ARMH4: variants seen among roughly 807,000 people sequenced by gnomAD.
ARMH4 encodes armadillo-like helical domain-containing protein 4.
ARMH4 carries 49 observed loss-of-function variants against 61.9 expected under a neutral mutation model. The ratio of observed to expected loss-of-function variants is 0.79; its 90% CI spans 0.63 to 1.00. The LOEUF (loss-of-function observed/expected upper bound fraction) is 1.00. Among genes scored for constraint, ARMH4 ranks in the 50% least tolerant of loss-of-function variants. The probability of loss-of-function intolerance (pLI) is 0.00; values close to 1 mark genes in which losing one functional copy is unlikely to be tolerated. For synonymous variants in ARMH4, 368 were observed against 341.5 expected (o/e 1.08, Z -0.85); for missense variants, 934 against 930.0 (o/e 1.00, Z -0.06).
intron 5 of ARMH4, among the ~76,000 whole-genome samples, chr14:58,048,472 G>A (rs906930353): frequency 6.6e-6 from 1 of 152,176 alleles, no homozygotes; most frequent in African/African-American, 2.4e-5. Flanking sequence ...GGATTTGTGT[G>A]GTGATGATAA....
At chr14:58,106,506 T>G (rs1886169912) in intron 4 of ARMH4, among the ~76,000 whole-genome samples, 2 of 152,186 alleles carry the variant, frequency 1.3e-5, no homozygotes, top group Non-Finnish European at 2.9e-5. Flanking sequence ...AAGAGATGCT[T>G]AGTGATATTA....
intron 1 of ARMH4, among the ~76,000 whole-genome samples, chr14:58,145,795 G>T (rs1174653358): frequency 6.6e-6 from 1 of 152,148 alleles, no homozygotes; most frequent in Admixed American, 6.5e-5. Flanking sequence ...TGTGTATTGA[G>T]GCCATATGTT....
chr14:58,105,112 A>G (rs1474066661), intron 4 of ARMH4, among the ~76,000 whole-genome samples: 1 of 152,226 alleles, frequency 6.6e-6, no homozygotes, highest in Non-Finnish European at 1.5e-5. Flanking sequence ...GAACACAAAG[A>G]ACAATGACAT....
At chr14:58,007,377 A>G (rs1882217631) in intron 6 of ARMH4, among the ~76,000 whole-genome samples, 1 of 152,218 alleles carries the variant, frequency 6.6e-6, no homozygotes, top group Admixed American at 6.5e-5. Context: ...ATAAAACTGT[A>G]CGTACTCATC....
At chr14:58,019,431 A>G (rs1006571071) in intron 5 of ARMH4, among the ~76,000 whole-genome samples, 1 of 152,174 alleles carries the variant, frequency 6.6e-6, no homozygotes, top group Non-Finnish European at 1.5e-5. Context: ...TTTATAAAAA[A>G]GTAGTCATGG....
intron 4 of ARMH4, chr14:58,116,503 C>T (rs767656846): frequency 6.5e-5 from 16 of 245,972 alleles, no homozygotes; most frequent in South Asian, 5.9e-4. Context: ...GGTGAAACCC[C>T]GTCTCTACAA....
intron 3 of ARMH4, among the ~76,000 whole-genome samples, chr14:58,132,423 T>A (rs558562055): frequency 6.6e-6 from 1 of 151,994 alleles, no homozygotes. Flanking sequence ...AAAGCCAAAG[T>A]TGCGATTCAA....
At chr14:58,143,566 T>G (rs1887634354) in intron 1 of ARMH4, among the ~76,000 whole-genome samples, 2 of 152,224 alleles carry the variant, frequency 1.3e-5, no homozygotes, top group African/African-American at 4.8e-5. Context: ...CAGGTTCAAG[T>G]GATTCTCCTG....
chr14:58,135,517 G>T (rs1473182315), intron 2 of ARMH4, among the ~76,000 whole-genome samples: 1 of 151,858 alleles, frequency 6.6e-6, no homozygotes, highest in Non-Finnish European at 1.5e-5. Flanking sequence ...ATGTCAAAAT[G>T]CATAGTATCT....
intron 5 of ARMH4, among the ~76,000 whole-genome samples, chr14:58,041,933 T>C (rs1031450207): frequency 2.0e-4 from 30 of 151,968 alleles, no homozygotes; most frequent in Non-Finnish European, 3.4e-4. Context: ...CAGGAGCATC[T>C]AGATTCATAA....
chr14:58,137,306 T>A (rs1403223763), intron 2 of ARMH4, among the ~76,000 whole-genome samples: 1 of 152,172 alleles, frequency 6.6e-6, no homozygotes, highest in African/African-American at 2.4e-5. Context: ...CATTGCTAAA[T>A]GTCCCCTGGG....
In ARMH4 at chr14:58,002,268, G is replaced by A. The variant is rs1189207975; in HGVS notation, c.*2468C>T. ...CACAGCCACCAGCAGCAAGGAAAAT[G>A]GCCAAAATAAACATGTCATTTGTAC... On this transcript the variant is annotated 3_prime_UTR_variant, in exon 8 of 8. Transcript: ENST00000267485. The A allele has an allele frequency of 6.6e-6, 1 of 152,056 alleles. No homozygotes were observed. Among genetic ancestry groups the A allele is most frequent in the Non-Finnish European group, 1.5e-5 (1 of 68,018 alleles). 9.4% of individuals were successfully genotyped at this position (152,056 alleles called of 1,614,324 possible). A position where few individuals can be genotyped will look rare whatever the true frequency, so the allele number is the denominator to read the frequency against.
intron 4 of ARMH4, among the ~76,000 whole-genome samples, chr14:58,109,881 C>T (rs887017532): frequency 1.3e-5 from 2 of 152,124 alleles, no homozygotes; most frequent in African/African-American, 4.8e-5. Flanking sequence ...CCTCAGGAAA[C>T]TTACAGTGGT....
At chr14:58,075,139 G>C (rs1217183751) in intron 5 of ARMH4, among the ~76,000 whole-genome samples, 1 of 152,176 alleles carries the variant, frequency 6.6e-6, no homozygotes, top group Non-Finnish European at 1.5e-5. Flanking sequence ...AAATAGGAAT[G>C]TTTTTACACT....
At chr14:58,042,369 A>G (rs1445055108) in intron 5 of ARMH4, among the ~76,000 whole-genome samples, 1 of 152,232 alleles carries the variant, frequency 6.6e-6, no homozygotes, top group African/African-American at 2.4e-5. Context: ...TAACGAAATG[A>G]AGGCAGAAAT....
chr14:58,073,531 A>T (rs1247851301), intron 5 of ARMH4, among the ~76,000 whole-genome samples: 1 of 152,204 alleles, frequency 6.6e-6, no homozygotes, highest in Non-Finnish European at 1.5e-5. Flanking sequence ...CCTAACAAGC[A>T]ATCAACTGTT....
chr14:58,025,630 A>G (rs189157736), intron 5 of ARMH4, among the ~76,000 whole-genome samples: 280 of 152,294 alleles, frequency 1.8e-3, no homozygotes, highest in African/African-American at 6.5e-3. Flanking sequence ...TTCTAACACA[A>G]GAAATGTTTT....
At chr14:58,040,531 A>G (rs546549264) in intron 5 of ARMH4, among the ~76,000 whole-genome samples, 1 of 152,306 alleles carries the variant, frequency 6.6e-6, no homozygotes, top group South Asian at 2.1e-4. Context: ...TCCATGGTGT[A>G]TATGTAGCAT....
chr14:58,041,030 C>A (rs1883677262), intron 5 of ARMH4, among the ~76,000 whole-genome samples: 1 of 152,170 alleles, frequency 6.6e-6, no homozygotes, highest in South Asian at 2.1e-4. Flanking sequence ...CAGCTCCCAG[C>A]GTGAGCGACG....
Sources: allele counts gnomAD v4.1 joint callset (sites outside exome capture counted in the v4.1 genomes callset), GRCh38; gene constraint gnomAD v4.1.1; transcripts MANE v1.5; gene names NCBI Gene and HGNC (gene_info 2026-07-23, HGNC 2026-07-21).